GRID2: variants seen among roughly 807,000 people sequenced by gnomAD.
GRID2 encodes the protein glutamate receptor ionotropic, delta-2.
Under a neutral mutation model 114.8 loss-of-function variants are expected in GRID2, and 33 were observed. That is an observed-to-expected ratio of 0.29 (90% CI 0.22 to 0.38). The LOEUF (loss-of-function observed/expected upper bound fraction) is 0.38. Ranked by LOEUF, GRID2 falls within the 10% of genes least tolerant of loss-of-function variation. The pLI is 1.00. For synonymous variants in GRID2, 505 were observed against 449.9 expected, an observed-to-expected ratio of 1.12 and a Z score of -1.55; for missense variants, 1,184 against 1,257.7, an observed-to-expected ratio of 0.94 and a Z score of 0.89.
intron 2 of GRID2, among the ~76,000 whole-genome samples, chr4:92,695,026 G>A (rs183399342): frequency 1.6e-4 from 24 of 152,218 alleles, no homozygotes; most frequent in Admixed American, 5.2e-4. Context: ...GAGTGCAGTG[G>A]TGCAATCTCG....
At chr4:93,617,608 G>T (rs1381269483) in intron 13 of GRID2, among the ~76,000 whole-genome samples, 1 of 152,084 alleles carries the variant, frequency 6.6e-6, no homozygotes, top group African/African-American at 2.4e-5. Flanking sequence ...TTCGGGTCAT[G>T]CTGGCATTGG....
intron 4 of GRID2, among the ~76,000 whole-genome samples, chr4:93,123,177 A>G (rs1263785891): frequency 6.6e-6 from 1 of 152,060 alleles, no homozygotes; most frequent in African/African-American, 2.4e-5. Flanking sequence ...ACAGTTTGCT[A>G]CTAACTTCTC....
chr4:93,803,628 A>C (rs1734977212), intron 1 of GRID2, among the ~76,000 whole-genome samples: 1 of 152,142 alleles, frequency 6.6e-6, no homozygotes, highest in Non-Finnish European at 1.5e-5. Flanking sequence ...AGGCTGAGGC[A>C]GAAGAATCGC....
chr4:93,005,383 G>T (rs1379433458), intron 2 of GRID2, among the ~76,000 whole-genome samples: 1 of 151,970 alleles, frequency 6.6e-6, no homozygotes, highest in Non-Finnish European at 1.5e-5. Context: ...TGTGAATCCT[G>T]CTACTGTCCT....
intron 2 of GRID2, among the ~76,000 whole-genome samples, chr4:93,052,358 A>G (rs547917611): frequency 6.6e-6 from 1 of 152,012 alleles, no homozygotes; most frequent in East Asian, 1.9e-4. Flanking sequence ...ATGATGGGAT[A>G]TGTTCTGAGA....
intron 2 of GRID2, among the ~76,000 whole-genome samples, chr4:92,929,465 A>G (rs1445271314): frequency 1.3e-5 from 2 of 151,412 alleles, no homozygotes; most frequent in Non-Finnish European, 3.0e-5. Context: ...TTGTTAGGTT[A>G]TAATGTTTTA....
intron 2 of GRID2, among the ~76,000 whole-genome samples, chr4:92,762,039 C>T (rs951808054): frequency 2.0e-5 from 3 of 152,034 alleles, no homozygotes; most frequent in Non-Finnish European, 2.9e-5. Flanking sequence ...AGTGATTCTC[C>T]TGCCTCAGCC....
chr4:93,272,152 A>T (rs1343207262), intron 8 of GRID2, among the ~76,000 whole-genome samples: 2 of 152,166 alleles, frequency 1.3e-5, no homozygotes, highest in East Asian at 3.9e-4. Context: ...ATTCAGTAAA[A>T]ATTATTGACC....
At chr4:93,680,791 A>G (rs1725444777) in intron 14 of GRID2, among the ~76,000 whole-genome samples, 1 of 152,124 alleles carries the variant, frequency 6.6e-6, no homozygotes. Flanking sequence ...AAATAATAAG[A>G]GCTATCTGTG....
chr4:93,712,968 G>A (rs558142649), intron 14 of GRID2, among the ~76,000 whole-genome samples: 221 of 152,074 alleles, frequency 1.5e-3, no homozygotes, highest in African/African-American at 4.5e-3. Context: ...CTGTGACATC[G>A]CATCCTACCT....
At chr4:93,800,611 T>C (rs961788045) in intron 1 of GRID2, among the ~76,000 whole-genome samples, 2 of 152,218 alleles carry the variant, frequency 1.3e-5, no homozygotes, top group African/African-American at 4.8e-5. Context: ...TCCTTAACTT[T>C]CACTGTTATC....
chr4:93,682,007 G>A (rs1725601059), intron 14 of GRID2, among the ~76,000 whole-genome samples: 1 of 151,226 alleles, frequency 6.6e-6, no homozygotes, highest in South Asian at 2.1e-4. Context: ...TACAAAATGG[G>A]AGAAAATTTT....
intron 11 of GRID2, among the ~76,000 whole-genome samples, chr4:93,465,562 T>G (rs189095482): frequency 3.9e-5 from 6 of 152,210 alleles, no homozygotes; most frequent in Admixed American, 3.3e-4. Context: ...TTGAGAAAAT[T>G]AAAAGAACTC....
At chr4:93,477,701 T>G (rs2149443133) in intron 11 of GRID2, among the ~76,000 whole-genome samples, 1 of 152,284 alleles carries the variant, frequency 6.6e-6, no homozygotes, top group South Asian at 2.1e-4. Flanking sequence ...AGTTCTTGTA[T>G]AACAAGCTAC....
Position 92,694,768 on chromosome 4 carries a change from TTGGC to T in GRID2, c.244+104484_244+104487del, listed in dbSNP as rs573891431. ...GAAACTTGTGCATATCTTATTTTAA[TTGGC>T]TACTTTCTTAATTCAGAAGTGAGGT... On this transcript the variant is annotated intron_variant, in intron 2 of 15. Transcript: ENST00000282020. Among the ~76,000 whole-genome samples the T allele has an allele frequency of 1.1e-4, 16 of 152,302 alleles. No homozygotes were observed. In the South Asian group the frequency reaches 2.7e-3, roughly 26 times the overall value.
chr4:93,045,940 C>T (rs1245341230), intron 2 of GRID2, among the ~76,000 whole-genome samples: 2 of 151,944 alleles, frequency 1.3e-5, no homozygotes, highest in Non-Finnish European at 2.9e-5. Context: ...AGTATGATAG[C>T]AGTAAAATCA....
At chr4:93,106,694 A>G (rs939477130) in intron 3 of GRID2, among the ~76,000 whole-genome samples, 2 of 152,138 alleles carry the variant, frequency 1.3e-5, no homozygotes, top group African/African-American at 2.4e-5. Context: ...CTCTCATTGA[A>G]CTTACCAGTT....
At chr4:92,827,094 C>A (rs1388755204) in intron 2 of GRID2, among the ~76,000 whole-genome samples, 1 of 152,012 alleles carries the variant, frequency 6.6e-6, no homozygotes, top group African/African-American at 2.4e-5. Context: ...CCTCATATTT[C>A]AATTCATGTT....
intron 2 of GRID2, among the ~76,000 whole-genome samples, chr4:92,861,306 A>G (rs1257209164): frequency 6.6e-6 from 1 of 152,134 alleles, no homozygotes; most frequent in Non-Finnish European, 1.5e-5. Context: ...TAATCTCCCT[A>G]TCGAAAAGTC....
Sources: gnomAD v4.1 joint callset for allele counts (sites outside exome capture counted in the v4.1 genomes callset) on GRCh38, gnomAD v4.1.1 for gene constraint, MANE v1.5 for transcripts, NCBI Gene and HGNC (gene_info 2026-07-23, HGNC 2026-07-21) for gene names.